The following RPS6KA3 variants were observed in gnomAD, a reference collection of about 807,000 sequenced individuals.
RPS6KA3 encodes ribosomal protein S6 kinase alpha-3.
In RPS6KA3, 4 loss-of-function variants were observed where a neutral mutation model predicts 67.2. The observed-to-expected ratio is 0.06, with a 90% CI of 0.03 to 0.14. The LOEUF is 0.14. Among genes scored for constraint, RPS6KA3 ranks in the 10% least tolerant of loss-of-function variants. The pLI is 1.00. For missense variants in RPS6KA3, 204 were observed against 559.0 expected (o/e 0.36, Z 6.40); for synonymous variants, 182 against 183.7 (o/e 0.99, Z 0.07).
chrX:20,203,056 T>C (rs974174431), intron 4 of RPS6KA3, among the ~76,000 whole-genome samples: 2 of 111,377 alleles, frequency 1.8e-5, no homozygotes, highest in African/African-American at 6.5e-5. Flanking sequence ...GGGTAACTAA[T>C]TGGGAATAAC....
chrX:20,246,693 A>G (rs1022381688), intron 1 of RPS6KA3, among the ~76,000 whole-genome samples: 2 of 112,069 alleles, frequency 1.8e-5, no homozygotes, highest in Non-Finnish European at 3.8e-5. Context: ...AGTGATGCTA[A>G]ATGTCTACTG....
chrX:20,204,230 C>T, intron 3 of RPS6KA3, 127 bp from the exon 4 acceptor site: 1 of 470,332 alleles, frequency 2.1e-6, no homozygotes, highest in Admixed American at 3.5e-5. Context: ...GATTATTTCC[C>T]CTAAAATGTA....
At chrX:20,263,084 T>C (rs1418464762) in intron 1 of RPS6KA3, among the ~76,000 whole-genome samples, 1 of 112,359 alleles carries the variant, frequency 8.9e-6, no homozygotes, top group Non-Finnish European at 1.9e-5. Context: ...CAACACATTG[T>C]TTAATACACA....
At chrX:20,250,107 G>A (rs1226130732) in intron 1 of RPS6KA3, among the ~76,000 whole-genome samples, 2 of 112,023 alleles carry the variant, frequency 1.8e-5, no homozygotes, top group African/African-American at 6.5e-5. Context: ...TTATTCCACT[G>A]ATCTATGTGT....
intron 1 of RPS6KA3, among the ~76,000 whole-genome samples, chrX:20,245,281 G>A (rs1025986022): frequency 2.7e-5 from 3 of 111,557 alleles, no homozygotes; most frequent in Non-Finnish European, 3.8e-5. Context: ...AAAATTTTGG[G>A]GGGTTTTCGT....
At chrX:20,226,037 C>T (rs1474073378) in intron 2 of RPS6KA3, among the ~76,000 whole-genome samples, 29 of 110,967 alleles carry the variant, frequency 2.6e-4, no homozygotes, top group Non-Finnish European at 1.9e-5. Flanking sequence ...CAAAAATTAG[C>T]TGAGTGTGGT....
intron 2 of RPS6KA3, among the ~76,000 whole-genome samples, chrX:20,227,121 C>A (rs1210036299): frequency 1.8e-5 from 2 of 111,603 alleles, no homozygotes; most frequent in African/African-American, 6.5e-5. Context: ...TATTTAGATT[C>A]ATCACTTCTA....
intron 11 of RPS6KA3, 98 bp downstream of exon 11, chrX:20,176,898 A>G (rs1167095382): frequency 1.5e-6 from 1 of 676,158 alleles, no homozygotes; most frequent in Non-Finnish European, 2.4e-6. Flanking sequence ...AGCCTTGTCT[A>G]AATAGTTAAT....
At chrX:20,174,632 C>T (rs1337130588) in intron 14 of RPS6KA3, among the ~76,000 whole-genome samples, 2 of 110,598 alleles carry the variant, frequency 1.8e-5, no homozygotes, top group African/African-American at 3.3e-5. Context: ...CAAGCATGAG[C>T]CACCGCACCT....
chrX:20,258,738 T>C (rs2070141420), intron 1 of RPS6KA3, among the ~76,000 whole-genome samples: 1 of 112,296 alleles, frequency 8.9e-6, no homozygotes, highest in African/African-American at 3.2e-5. Context: ...GAAAATTCGA[T>C]TTAACTTATG....
At chrX:20,166,713 C>CTTTTTT (rs774405280) in intron 17 of RPS6KA3, among the ~76,000 whole-genome samples, 70 of 81,359 alleles carry the variant, frequency 8.6e-4, no homozygotes, top group Non-Finnish European at 1.1e-3. Context: ...GACTTCCCTT[C>CTTTTTT]TTTTTTTTTT....
rs1388710264 is a variant in RPS6KA3, at chrX:20,172,797, A to G, written c.1302T>C (p.Ser434=). 1 of 1,198,972 alleles carries G rather than the reference A, an allele frequency of 8.3e-7. No homozygotes were observed. The highest frequency in any genetic ancestry group is 1.8e-5 in the South Asian group (1 of 56,467). The change falls in exon 15 of 22, where the codon TCT becomes TCC. Residue 434 remains serine (S), a synonymous_variant. Transcript: ENST00000379565. The stretch of plus-strand genomic sequence containing the variant: ...CTTTATGTATACATCTCTTGCAAAC[A>G]GAGTAGGAGCCAACTCCAATATCTT... ...VKEDIGVGSY[S]VCKRCIHKAT... is the part of the protein sequence containing the mutation.
At chrX:20,171,780 A>G (rs752618377) in intron 15 of RPS6KA3, among the ~76,000 whole-genome samples, 1 of 112,356 alleles carries the variant, frequency 8.9e-6, no homozygotes, top group South Asian at 3.7e-4. Context: ...CAAATACATT[A>G]TTAGTCTTTT....
intron 4 of RPS6KA3, among the ~76,000 whole-genome samples, chrX:20,196,625 CTAT>C (rs751247291): frequency 2.9e-4 from 32 of 111,447 alleles, no homozygotes; most frequent in Non-Finnish European, 5.5e-4. Flanking sequence ...AAAAAATGCC[CTAT>C]TTTTTCCATT....
At chrX:20,255,154 AAAAG>A (rs1211133042) in intron 1 of RPS6KA3, among the ~76,000 whole-genome samples, 1 of 112,373 alleles carries the variant, frequency 8.9e-6, no homozygotes, top group Non-Finnish European at 1.9e-5. Flanking sequence ...TCAGCCACAT[AAAAG>A]AATGAAGTCT....
intron 7 of RPS6KA3, among the ~76,000 whole-genome samples, chrX:20,191,641 CAT>C (rs34380405): frequency 0.22 from 24,687 of 111,226 alleles, 2,919 homozygotes; most frequent in African/African-American, 0.44. Context: ...GCTTTTCTTT[CAT>C]ATGTTTGTTT....
At position 20,207,783 on chromosome X, in the gene RPS6KA3, G is replaced by C. The variant is rs371104718; in HGVS notation, c.243+1505C>G. Among the ~76,000 whole-genome samples, 19 of 112,107 alleles carry C rather than the reference G, an allele frequency of 1.7e-4. 1 individual carries two copies. In the South Asian group the frequency reaches 7.1e-3, roughly 42 times the overall value. Reference sequence around the variant, plus strand: ...TACTTACTCTTTATTTGGATTAAAAGCATCCTTTTGGGTTCAAAAGAGGTT... The same window carrying C: ...TACTTACTCTTTATTTGGATTAAAACCATCCTTTTGGGTTCAAAAGAGGTT... On this transcript the variant is annotated intron_variant, in intron 3 of 21. Transcript: ENST00000379565.
rs1464169815 is a variant in RPS6KA3, at chrX:20,218,924, C to T, written c.127-9520G>A. On this transcript the variant is annotated intron_variant, in intron 2 of 21. Coordinates refer to ENST00000379565, the MANE Select transcript of RPS6KA3 (RefSeq NM_004586.3). ...GAAGGCCAAGCCCCTGCAAAGTTTT[C>T]TCCTACCAGCTGTTCCGGCAATTAG... 3.2e-5 allele frequency: 24 copies of T among 758,133 alleles called. 1 individual carries two copies. Among genetic ancestry groups the T allele is most frequent in the Non-Finnish European group, 4.1e-5 (21 of 508,659 alleles). 62.5% of individuals were successfully genotyped at this position (758,133 alleles called of 1,213,427 possible).
intron 1 of RPS6KA3, among the ~76,000 whole-genome samples, chrX:20,238,801 A>G (rs1358897389): frequency 9.0e-6 from 1 of 111,475 alleles, no homozygotes; most frequent in East Asian, 2.8e-4. Flanking sequence ...CAAAAAAAGC[A>G]CCTTTATTTA....
Sources: gnomAD v4.1 joint callset for allele counts (sites outside exome capture counted in the v4.1 genomes callset) on GRCh38, gnomAD v4.1.1 for gene constraint, MANE v1.5 for transcripts, NCBI Gene and HGNC (gene_info 2026-07-23, HGNC 2026-07-21) for gene names.